ARHGAP12: variants seen among roughly 807,000 people sequenced by gnomAD.
ARHGAP12 encodes the protein Rho GTPase activating protein 12.
A neutral mutation model predicts 108.6 loss-of-function variants in ARHGAP12; 64 were observed. The ratio of observed to expected loss-of-function variants is 0.59; its 90% CI spans 0.48 to 0.73. ARHGAP12 has a LOEUF of 0.73. Ranked by LOEUF, ARHGAP12 falls within the 30% of genes least tolerant of loss-of-function variation. The probability of loss-of-function intolerance (pLI) is 0.00; values close to 1 mark genes in which losing one functional copy is unlikely to be tolerated. For synonymous variants in ARHGAP12, 312 were observed against 337.2 expected (o/e 0.93, Z 0.82); for missense variants, 940 against 1,005.9 (o/e 0.93, Z 0.89).
chr10:31,835,766 C>A (rs578220596), intron 9 of ARHGAP12, among the ~76,000 whole-genome samples: 1 of 152,182 alleles, frequency 6.6e-6, no homozygotes, highest in Admixed American at 6.5e-5. Flanking sequence ...TGAAAAAACA[C>A]CACTGTAATG....
chr10:31,810,753 A>G lies in ARHGAP12; in HGVS notation c.1952-6T>C. ...ATTGGATCCAAATACCTGATCTGAA[A>G]AAGATTTATTTTTAAAAAGTCAATC... On this transcript the variant is annotated splice_polypyrimidine_tract_variant and splice_region_variant and intron_variant, in intron 15 of 19. Coordinates refer to ENST00000344936, the MANE Select transcript of ARHGAP12 (RefSeq NM_018287.7). The G allele has an allele frequency of 1.3e-6, 2 of 1,599,084 alleles. No individual in the cohort carries two copies. Among genetic ancestry groups the G allele is most frequent in the South Asian group, 2.2e-5 (2 of 89,202 alleles).
chr10:31,841,267 C>T lies in ARHGAP12; in HGVS notation c.1297-1556G>A, dbSNP rs984189525. Among the ~76,000 whole-genome samples, 7 of 152,040 alleles carry T rather than the reference C, an allele frequency of 4.6e-5. No individual in the cohort carries two copies. In the East Asian group the frequency reaches 1.2e-3, roughly 25 times the overall value. On this transcript the variant is annotated intron_variant, in intron 7 of 19. Transcript: ENST00000344936. ...AAAAAGGCAGAAACAGATGCATTCA[C>T]ACATACACACACAGACATACGGCTA...
At chr10:31,909,057 CA>C (rs1839251409) in intron 2 of ARHGAP12, 131 bp from the exon 3 acceptor site, 2 of 545,460 alleles carry the variant, frequency 3.7e-6, no homozygotes, top group Non-Finnish European at 6.3e-6. Flanking sequence ...CCCCAAAAAG[CA>C]AACATGTGTC....
intron 9 of ARHGAP12, among the ~76,000 whole-genome samples, chr10:31,838,111 T>C (rs756594897): frequency 6.6e-6 from 1 of 152,112 alleles, no homozygotes; most frequent in Non-Finnish European, 1.5e-5. Flanking sequence ...AGAATAAAAT[T>C]CTCTGAGGAA....
At chr10:31,810,610 G>A in intron 16 of ARHGAP12, 39 bp downstream of exon 16, 1 of 1,397,208 alleles carries the variant, frequency 7.2e-7, no homozygotes, top group Non-Finnish European at 9.8e-7. Context: ...AAGCTGGTTT[G>A]CTTAATGTTA....
In ARHGAP12 at chr10:31,808,055, CA is replaced by C. The variant is rs557046684; in HGVS notation, c.2367-224del. ...AAAGATACAATTAAGCATACTCTAACAAACTTAAAATGTGTGATATTTTAGC... is the reference window on the plus strand; with the variant it reads ...AAAGATACAATTAAGCATACTCTAACAACTTAAAATGTGTGATATTTTAGC... On this transcript the variant is annotated intron_variant, in intron 19 of 19. Coordinates refer to ENST00000344936, the MANE Select transcript of ARHGAP12 (RefSeq NM_018287.7). Among the ~76,000 whole-genome samples the C allele has an allele frequency of 6.6e-5, 10 of 152,256 alleles. No homozygotes were observed. The South Asian group carries it at 2.1e-3, about 32-fold the overall frequency.
chr10:31,835,139 A>G (rs1000428623), intron 9 of ARHGAP12, among the ~76,000 whole-genome samples: 4 of 151,324 alleles, frequency 2.6e-5, no homozygotes, highest in Non-Finnish European at 4.4e-5. Context: ...CGGAGGTTGC[A>G]GTGAGCCGAG....
chr10:31,916,474 T>C (rs1314245048), intron 1 of ARHGAP12, among the ~76,000 whole-genome samples: 1 of 152,190 alleles, frequency 6.6e-6, no homozygotes, highest in African/African-American at 2.4e-5. Flanking sequence ...TTTCTTCCCA[T>C]TTAAACTACC....
intron 11 of ARHGAP12, among the ~76,000 whole-genome samples, chr10:31,823,294 AT>A (rs1246652890): frequency 2.0e-5 from 3 of 152,172 alleles, no homozygotes; most frequent in African/African-American, 7.2e-5. Flanking sequence ...ATGTTAAGTG[AT>A]ATAGCAATCC....
intron 3 of ARHGAP12, among the ~76,000 whole-genome samples, chr10:31,896,385 T>C (rs1009060395): frequency 1.1e-4 from 17 of 151,824 alleles, no homozygotes; most frequent in African/African-American, 3.9e-4. Context: ...AAACTCATTA[T>C]TGCATTTTTA....
At chr10:31,878,729 A>G (rs1387636790) in intron 3 of ARHGAP12, among the ~76,000 whole-genome samples, 1 of 152,194 alleles carries the variant, frequency 6.6e-6, no homozygotes, top group East Asian at 1.9e-4. Context: ...CTCATGCTAC[A>G]ATGGCAGAGT....
At chr10:31,915,401 A>G (rs1425771899) in intron 1 of ARHGAP12, among the ~76,000 whole-genome samples, 4 of 151,986 alleles carry the variant, frequency 2.6e-5, no homozygotes, top group Admixed American at 6.6e-5. Context: ...AAAAAAAAAA[A>G]AAGTTGAGAG....
At chr10:31,828,219 C>CT (rs4016813) in intron 10 of ARHGAP12, among the ~76,000 whole-genome samples, 76,100 of 148,090 alleles carry the variant, frequency 0.51, 19,811 homozygotes, top group African/African-American at 0.58. Flanking sequence ...CACCTTATTG[C>CT]TTTTTTTTTT....
At chr10:31,852,730 T>A in intron 5 of ARHGAP12, 133 bp from the exon 6 acceptor site, 10 of 13,916 alleles carry the variant, frequency 7.2e-4, no homozygotes, top group East Asian at 5.8e-3. Context: ...CAAAAAATTC[T>A]TTTTTTTTTT....
intron 6 of ARHGAP12, among the ~76,000 whole-genome samples, chr10:31,846,715 C>T (rs569881446): frequency 6.6e-6 from 1 of 152,014 alleles, no homozygotes; most frequent in East Asian, 1.9e-4. Context: ...TTGGGTTTAC[C>T]TTATCTGGTG....
At chr10:31,855,555 TTA>T (rs1373019475) in intron 4 of ARHGAP12, among the ~76,000 whole-genome samples, 2 of 152,206 alleles carry the variant, frequency 1.3e-5, no homozygotes, top group Non-Finnish European at 1.5e-5. Flanking sequence ...ATAAAGTGAA[TTA>T]TATATGTTTT....
At chr10:31,895,222 T>G (rs564985259) in intron 3 of ARHGAP12, among the ~76,000 whole-genome samples, 1 of 152,274 alleles carries the variant, frequency 6.6e-6, no homozygotes, top group East Asian at 1.9e-4. Flanking sequence ...CCAAAAGCAA[T>G]GGCAACAGAA....
chr10:31,822,079 T>TAA (rs536244200), intron 11 of ARHGAP12, among the ~76,000 whole-genome samples: 7,483 of 146,654 alleles, frequency 0.051, 616 homozygotes, highest in African/African-American at 0.17. Context: ...CATGGAATGC[T>TAA]AAAAAAAAAA....
chr10:31,847,785 C>T (rs1446213081), intron 6 of ARHGAP12, among the ~76,000 whole-genome samples: 1 of 152,148 alleles, frequency 6.6e-6, no homozygotes, highest in Non-Finnish European at 1.5e-5. Context: ...GGGGAGAGTG[C>T]TCTTTCAATA....
Sources: gnomAD v4.1 joint callset for allele counts (sites outside exome capture counted in the v4.1 genomes callset) on GRCh38, gnomAD v4.1.1 for gene constraint, MANE v1.5 for transcripts, NCBI Gene and HGNC (gene_info 2026-07-23, HGNC 2026-07-21) for gene names.